The following CD48 variants were observed in gnomAD, a reference collection of about 807,000 sequenced individuals.
CD48 encodes CD48 molecule.
A neutral mutation model predicts 22.0 loss-of-function variants in CD48; 20 were observed. The ratio of observed to expected loss-of-function variants is 0.91; its 90% CI spans 0.64 to 1.32. The LOEUF is 1.32. Among genes scored for constraint, CD48 ranks in the 40% most tolerant of loss-of-function variants. The probability of loss-of-function intolerance (pLI) is 0.00; values close to 1 mark genes in which losing one functional copy is unlikely to be tolerated. For synonymous variants in CD48, 110 were observed against 110.1 expected, an observed-to-expected ratio of 1.00 and a Z score of 0.01; for missense variants, 307 against 286.5, an observed-to-expected ratio of 1.07 and a Z score of -0.52.
At chr1:160,707,746 G>T (rs1662833780) in intron 1 of CD48, among the ~76,000 whole-genome samples, 1 of 152,096 alleles carries the variant, frequency 6.6e-6, no homozygotes, top group African/African-American at 2.4e-5. Context: ...GCCAGTAAGA[G>T]CTACTCTGAG....
intron 1 of CD48, among the ~76,000 whole-genome samples, chr1:160,704,903 A>T (rs1033739644): frequency 2.0e-5 from 3 of 152,200 alleles, no homozygotes; most frequent in Non-Finnish European, 4.4e-5. Context: ...TACAAGATGA[A>T]GGGAGGTCCA....
chr1:160,682,072 A>C (rs781207407), intron 2 of CD48, among the ~76,000 whole-genome samples: 1 of 152,186 alleles, frequency 6.6e-6, no homozygotes, highest in Non-Finnish European at 1.5e-5. Context: ...TGGTATCTCC[A>C]TGTCTAGCAC....
At chr1:160,684,744 G>C in intron 2 of CD48, 143 bp downstream of exon 2, 2 of 1,595,322 alleles carry the variant, frequency 1.3e-6, no homozygotes, top group East Asian at 4.5e-5. Flanking sequence ...AAATAGAATT[G>C]GATCAAGGAA....
intron 1 of CD48, among the ~76,000 whole-genome samples, chr1:160,706,159 C>G (rs1662787565): frequency 6.6e-6 from 1 of 152,088 alleles, no homozygotes; most frequent in South Asian, 2.1e-4. Context: ...ACTGCAACCT[C>G]CACCCCCCAG....
At position 160,684,483 on chromosome 1, in the gene CD48, TCTC is replaced by T. The variant is rs142213146; in HGVS notation, c.385+401_385+403del. The T allele has an allele frequency of 4.8e-3, 1,826 of 378,986 alleles. 26 individuals carry two copies. The highest frequency in any genetic ancestry group is 0.035 in the African/African-American group (1,687 of 48,622). The allele number at this position is 378,986 out of a possible 1,614,324, so 23.5% of individuals were successfully genotyped here. A position where few individuals can be genotyped will look rare whatever the true frequency, so the allele number is the denominator to read the frequency against. Reference sequence around the variant, plus strand: ...CTGCCCATTATGAAAGTTGAAAAATTCTCCTGATAACTCCTGCCCCATTCTTTA... The same window carrying T: ...CTGCCCATTATGAAAGTTGAAAAATTCTGATAACTCCTGCCCCATTCTTTA... On this transcript the variant is annotated intron_variant, in intron 2 of 3. Transcript: ENST00000368046.
intron 1 of CD48, among the ~76,000 whole-genome samples, chr1:160,710,214 T>G (rs1039262791): frequency 1.3e-5 from 2 of 152,234 alleles, no homozygotes; most frequent in African/African-American, 4.8e-5. Context: ...TAGACCTGTG[T>G]GCCCTTAGGA....
chr1:160,711,555 G>T, intron 1 of CD48, 127 bp downstream of exon 1: 1 of 693,816 alleles, frequency 1.4e-6, no homozygotes, highest in South Asian at 1.7e-5. Flanking sequence ...CCATGCTATT[G>T]GAATGGAAAT....
chr1:160,705,903 T>C (rs35474473), intron 1 of CD48, among the ~76,000 whole-genome samples: 40,762 of 151,948 alleles, frequency 0.27, 6,236 homozygotes, highest in Non-Finnish European at 0.36. Flanking sequence ...TATCCAGATA[T>C]TGCCAAATGT....
At chr1:160,700,372 G>A (rs1264894040) in intron 1 of CD48, among the ~76,000 whole-genome samples, 2 of 152,154 alleles carry the variant, frequency 1.3e-5, no homozygotes, top group Non-Finnish European at 2.9e-5. Flanking sequence ...AATTATATTT[G>A]GATCAAATCC....
intron 1 of CD48, among the ~76,000 whole-genome samples, chr1:160,711,376 T>C (rs1300737587): frequency 6.6e-6 from 1 of 151,706 alleles, no homozygotes; most frequent in Non-Finnish European, 1.5e-5. Flanking sequence ...TTATTCAAAA[T>C]GAAAAAACAA....
In CD48 at chr1:160,678,995, C is replaced by T; in HGVS notation, c.*57G>A. 7.7e-7 allele frequency: 1 copy of T among 1,294,438 alleles called. No homozygotes were observed. Among genetic ancestry groups the T allele is most frequent in the Non-Finnish European group, 1.1e-6 (1 of 888,726 alleles). 80.2% of individuals were successfully genotyped at this position (1,294,438 alleles called of 1,614,324 possible). A position where few individuals can be genotyped will look rare whatever the true frequency, so the allele number is the denominator to read the frequency against. On this transcript the variant is annotated 3_prime_UTR_variant, in exon 4 of 4. Transcript: ENST00000368046. The stretch of plus-strand genomic sequence containing the variant: ...TCTCTGTCCTGGTGAGGAGCATGAT[C>T]ACCAACAGGCAAGATCTTCTGGCCT...
chr1:160,685,498 A>C (rs1661966524), intron 1 of CD48, among the ~76,000 whole-genome samples: 1 of 152,176 alleles, frequency 6.6e-6, no homozygotes, highest in African/African-American at 2.4e-5. Context: ...ATACCAGTAG[A>C]CTTTCAAATA....
intron 1 of CD48, among the ~76,000 whole-genome samples, chr1:160,693,495 G>A (rs1662301745): frequency 6.6e-6 from 1 of 152,258 alleles, no homozygotes; most frequent in Admixed American, 6.5e-5. Flanking sequence ...GTTTTAGGAG[G>A]ACAAGTTAGA....
In CD48 at chr1:160,711,754, T is replaced by A. The variant is rs369486040; in HGVS notation, c.10A>T (p.Arg4Ter). 4.3e-6 allele frequency: 7 copies of A among 1,612,902 alleles called. No homozygotes were observed. Among genetic ancestry groups the A allele is most frequent in the Non-Finnish European group, 5.9e-6 (7 of 1,179,186 alleles). MCS[R>*]GWDSCLALEL... ...AGAGCCAGACACGAATCCCAACCTC[T>A]GGAGCACATGCTTCCTTCCAGAACT... Residue 4 changes from arginine to a stop codon, truncating the protein, a stop_gained, in exon 1 of 4, where the codon AGA (arginine) becomes TGA (stop). Coordinates refer to ENST00000368046, the MANE Select transcript of CD48 (RefSeq NM_001778.4). LOFTEE classifies it high-confidence loss of function.
chr1:160,708,745 CTG>C (rs1662864281), intron 1 of CD48, among the ~76,000 whole-genome samples: 1 of 151,882 alleles, frequency 6.6e-6, no homozygotes, highest in Admixed American at 6.6e-5. Flanking sequence ...TTTTTTAAGT[CTG>C]TAAATTTTTT....
chr1:160,684,844 G>A (rs763326872), intron 2 of CD48, 43 bp downstream of exon 2: 7 of 1,614,004 alleles, frequency 4.3e-6, no homozygotes, highest in East Asian at 4.5e-5. Context: ...GTCCATCTGG[G>A]GCCACTGGAG....
intron 1 of CD48, 107 bp from the exon 2 acceptor site, chr1:160,685,296 G>T: frequency 1.3e-6 from 1 of 789,752 alleles, no homozygotes; most frequent in Non-Finnish European, 2.0e-6. Flanking sequence ...AGGGATTTCT[G>T]CTTAGGAGCA....
chr1:160,685,644 T>A (rs1661971589), intron 1 of CD48, among the ~76,000 whole-genome samples: 2 of 152,174 alleles, frequency 1.3e-5, no homozygotes, highest in Admixed American at 1.3e-4. Context: ...AATATACCAA[T>A]GTGGGAGGAC....
At chr1:160,689,636 T>C (rs1022418473) in intron 1 of CD48, among the ~76,000 whole-genome samples, 3 of 152,194 alleles carry the variant, frequency 2.0e-5, no homozygotes, top group Admixed American at 2.0e-4. Flanking sequence ...CAGGGAGGAT[T>C]GATTTACACC....
Sources: gnomAD v4.1 joint callset for allele counts (sites outside exome capture counted in the v4.1 genomes callset) on GRCh38, gnomAD v4.1.1 for gene constraint, MANE v1.5 for transcripts, NCBI Gene and HGNC (gene_info 2026-07-23, HGNC 2026-07-21) for gene names.